KIF13B: variants seen among roughly 807,000 people sequenced by gnomAD.
The protein encoded by KIF13B is kinesin-like protein KIF13B.
KIF13B carries 127 observed loss-of-function variants against 222.0 expected under a neutral mutation model. The ratio of observed to expected loss-of-function variants is 0.57; its 90% confidence interval spans 0.50 to 0.66. The LOEUF is 0.66. Among genes scored for constraint, KIF13B ranks in the 30% least tolerant of loss-of-function variants. The pLI, the probability that KIF13B is intolerant of heterozygous loss-of-function variation, is 0.00. For missense variants in KIF13B, 2,173 were observed against 2,379.0 expected (o/e 0.91, Z 1.80); for synonymous variants, 976 against 919.0 (o/e 1.06, Z -1.12).
chr8:29,203,312 A>G (rs1188119972), intron 2 of KIF13B, among the ~76,000 whole-genome samples: 1 of 152,182 alleles, frequency 6.6e-6, no homozygotes, highest in East Asian at 1.9e-4. Context: ...GCTTTCATAC[A>G]TGACTATTTC....
At chr8:29,188,998 T>C (rs1305068032) in intron 4 of KIF13B, among the ~76,000 whole-genome samples, 1 of 152,174 alleles carries the variant, frequency 6.6e-6, no homozygotes, top group Non-Finnish European at 1.5e-5. Flanking sequence ...AGAATAATCA[T>C]ATATACCAAC....
chr8:29,160,563 G>C (rs1811730538), intron 13 of KIF13B, among the ~76,000 whole-genome samples, 170 bp downstream of exon 13: 1 of 152,072 alleles, frequency 6.6e-6, no homozygotes, highest in South Asian at 2.1e-4. Context: ...TATATTGTCA[G>C]GTTGAATGGC....
chr8:29,128,763 G>C (rs1051837586), intron 24 of KIF13B, among the ~76,000 whole-genome samples: 1 of 152,162 alleles, frequency 6.6e-6, no homozygotes, highest in Non-Finnish European at 1.5e-5. Flanking sequence ...TAAACTATTA[G>C]ACAGAACTTC....
At chr8:29,118,430 G>A (rs1258710241) in intron 30 of KIF13B, among the ~76,000 whole-genome samples, 2 of 152,088 alleles carry the variant, frequency 1.3e-5, no homozygotes, top group African/African-American at 4.8e-5. Flanking sequence ...GGGAGGCAGA[G>A]GCTGCAGTGA....
chr8:29,209,486 G>A (rs534498297), intron 2 of KIF13B, among the ~76,000 whole-genome samples: 1 of 152,252 alleles, frequency 6.6e-6, no homozygotes, highest in African/African-American at 2.4e-5. Context: ...AGCACAGCAG[G>A]CCTGGGTCTC....
intron 26 of KIF13B, among the ~76,000 whole-genome samples, chr8:29,125,862 A>C (rs1270613656): frequency 1.3e-5 from 2 of 152,136 alleles, no homozygotes; most frequent in African/African-American, 2.4e-5. Context: ...TAATCCCAAC[A>C]CTTTGGGAAG....
intron 37 of KIF13B, among the ~76,000 whole-genome samples, chr8:29,086,707 TAA>T (rs1808062159): frequency 6.6e-6 from 1 of 152,222 alleles, no homozygotes; most frequent in African/African-American, 2.4e-5. Context: ...GTTGACTATC[TAA>T]GTCTTTAAGC....
intron 2 of KIF13B, among the ~76,000 whole-genome samples, chr8:29,235,679 A>G (rs1815476180): frequency 6.6e-6 from 1 of 152,244 alleles, no homozygotes; most frequent in Non-Finnish European, 1.5e-5. Flanking sequence ...TTAGAAAACA[A>G]TGTGGGATAA....
intron 3 of KIF13B, among the ~76,000 whole-genome samples, chr8:29,194,390 T>C (rs1433460353): frequency 2.6e-5 from 4 of 151,632 alleles, no homozygotes; most frequent in Non-Finnish European, 4.4e-5. Flanking sequence ...AAAGTAACCA[T>C]AATGGAGCTA....
intron 2 of KIF13B, among the ~76,000 whole-genome samples, chr8:29,238,761 A>T (rs958038703): frequency 6.6e-6 from 1 of 152,220 alleles, no homozygotes; most frequent in Non-Finnish European, 1.5e-5. Flanking sequence ...CTCACAGAAC[A>T]CCAAAAAAAT....
intron 2 of KIF13B, among the ~76,000 whole-genome samples, chr8:29,223,863 T>G (rs1359900389): frequency 1.3e-5 from 2 of 151,284 alleles, no homozygotes; most frequent in Non-Finnish European, 2.9e-5. Flanking sequence ...GGCTAATTTT[T>G]TGTATTTTTA....
chr8:29,257,916 G>T (rs1816546183), intron 1 of KIF13B, among the ~76,000 whole-genome samples: 1 of 152,172 alleles, frequency 6.6e-6, no homozygotes, highest in Non-Finnish European at 1.5e-5. Context: ...AATGCCTCTG[G>T]CCCTATGTGC....
chr8:29,070,162 T>G lies in KIF13B; in HGVS notation c.*342A>C. 3.0e-6 allele frequency: 1 copy of G among 337,314 alleles called. No homozygotes were observed. The allele number at this position is 337,314 out of a possible 1,614,324, so 20.9% of individuals were successfully genotyped here. On this transcript the variant is annotated 3_prime_UTR_variant, in exon 40 of 40. Coordinates refer to ENST00000524189, the MANE Select transcript of KIF13B (RefSeq NM_015254.4). This position sits in a 1 kb window ranked among gnomAD's most constrained non-coding sequence, Gnocchi z 4.1. The stretch of plus-strand genomic sequence containing the variant: ...ATTAGTGGGGCCACCAGAATGGAAA[T>G]GATAGAAAGAGCAACATAAGGCCCC...
At chr8:29,181,870 C>A in intron 7 of KIF13B, 49 bp downstream of exon 7, 1 of 1,278,558 alleles carries the variant, frequency 7.8e-7, no homozygotes, top group South Asian at 1.4e-5. Flanking sequence ...AAAAAGAGCC[C>A]CACCCTACTA....
chr8:29,196,391 G>A (rs180691741), intron 2 of KIF13B, among the ~76,000 whole-genome samples, 192 bp from the exon 3 acceptor site: 3 of 152,266 alleles, frequency 2.0e-5, no homozygotes, highest in Middle Eastern at 3.4e-3. Context: ...TAGCTAGTAA[G>A]ACAGGCTGCT....
chr8:29,220,604 T>C (rs1167121806), intron 2 of KIF13B, among the ~76,000 whole-genome samples: 1 of 152,084 alleles, frequency 6.6e-6, no homozygotes. Flanking sequence ...CCATGGGTTT[T>C]GATAATAAGC....
chr8:29,253,459 G>A (rs1366508895), intron 1 of KIF13B, among the ~76,000 whole-genome samples: 1 of 152,072 alleles, frequency 6.6e-6, no homozygotes, highest in Admixed American at 6.6e-5. Flanking sequence ...GGGAGGCTGA[G>A]GTGGGAAGAC....
chr8:29,177,619 G>A (rs1812535348), intron 8 of KIF13B, 41 bp from the exon 9 acceptor site: 1 of 1,343,176 alleles, frequency 7.4e-7, no homozygotes, highest in African/African-American at 1.4e-5. Context: ...CAGGAACACA[G>A]GGCCAGGTGT....
At chr8:29,111,562 G>A (rs1395207657) in intron 32 of KIF13B, among the ~76,000 whole-genome samples, 1 of 152,212 alleles carries the variant, frequency 6.6e-6, no homozygotes, top group Non-Finnish European at 1.5e-5. Context: ...CTAACTAACA[G>A]CAAATTCACA....
Sources: allele counts gnomAD v4.1 joint callset (sites outside exome capture counted in the v4.1 genomes callset), GRCh38; gene constraint gnomAD v4.1.1; non-coding constraint Gnocchi (gnomAD v3.1); transcripts MANE v1.5; gene names NCBI Gene and HGNC (gene_info 2026-07-23, HGNC 2026-07-21).